EPHA3: variants seen among roughly 807,000 people sequenced by gnomAD.
EPHA3 encodes ephrin type-A receptor 3.
A neutral mutation model predicts 107.1 loss-of-function variants in EPHA3; 42 were observed. The ratio of observed to expected loss-of-function variants is 0.39; its 90% CI spans 0.31 to 0.51. The LOEUF (loss-of-function observed/expected upper bound fraction) is 0.51, where lower values mean the gene tolerates loss of function less well. Among genes scored for constraint, EPHA3 ranks in the 20% least tolerant of loss-of-function variants. EPHA3 has a pLI of 0.78. For missense variants in EPHA3, 1,183 were observed against 1,211.2 expected, an observed-to-expected ratio of 0.98 and a Z score of 0.35; for synonymous variants, 461 against 424.8, an observed-to-expected ratio of 1.09 and a Z score of -1.05.
At chr3:89,121,438 T>A (rs934169584) in intron 1 of EPHA3, among the ~76,000 whole-genome samples, 2 of 152,000 alleles carry the variant, frequency 1.3e-5, no homozygotes, top group Non-Finnish European at 2.9e-5. Flanking sequence ...AATTTTTATC[T>A]GTGAAATAAA....
chr3:89,220,450 T>C (rs1704345813), intron 3 of EPHA3, among the ~76,000 whole-genome samples: 1 of 152,154 alleles, frequency 6.6e-6, no homozygotes, highest in African/African-American at 2.4e-5. Context: ...AATAGTGACA[T>C]GAAGATGGAT....
chr3:89,380,875 T>A (rs1384665825), intron 5 of EPHA3, among the ~76,000 whole-genome samples: 1 of 151,906 alleles, frequency 6.6e-6, no homozygotes, highest in Admixed American at 6.6e-5. Flanking sequence ...TTCAAGCAAT[T>A]CGCCTGCCTC....
intron 2 of EPHA3, among the ~76,000 whole-genome samples, chr3:89,127,735 TA>T (rs746831482): frequency 9.1e-4 from 138 of 152,166 alleles, no homozygotes; most frequent in Non-Finnish European, 1.3e-3. Flanking sequence ...TGTCTTAATT[TA>T]CTTGTTTCAA....
chr3:89,289,188 A>T (rs1475644682), intron 3 of EPHA3, among the ~76,000 whole-genome samples: 2 of 152,288 alleles, frequency 1.3e-5, no homozygotes, highest in South Asian at 2.1e-4. Flanking sequence ...ACCATTGGTG[A>T]TAACTGAAAC....
chr3:89,358,673 T>C (rs1407864482), intron 5 of EPHA3, among the ~76,000 whole-genome samples: 1 of 151,194 alleles, frequency 6.6e-6, no homozygotes, highest in African/African-American at 2.4e-5. Flanking sequence ...AGATTGGTCT[T>C]GAATTCACAG....
intron 9 of EPHA3, among the ~76,000 whole-genome samples, chr3:89,409,821 A>G (rs976525198): frequency 2.0e-5 from 3 of 151,976 alleles, no homozygotes; most frequent in Non-Finnish European, 4.4e-5. Flanking sequence ...AATGTGTTTC[A>G]CCTCCTAAGA....
chr3:89,142,478 C>CA (rs537736990), intron 2 of EPHA3, among the ~76,000 whole-genome samples: 4 of 150,538 alleles, frequency 2.7e-5, no homozygotes, highest in African/African-American at 4.9e-5. Context: ...TTAAACATAC[C>CA]AAAAAAAATC....
intron 3 of EPHA3, among the ~76,000 whole-genome samples, chr3:89,264,578 A>G (rs1056824290): frequency 3.3e-5 from 5 of 152,118 alleles, no homozygotes; most frequent in Non-Finnish European, 5.9e-5. Context: ...GTTCATTCTT[A>G]TCTTTGCTTA....
At chr3:89,181,441 G>A (rs1705440349) in intron 2 of EPHA3, among the ~76,000 whole-genome samples, 1 of 151,776 alleles carries the variant, frequency 6.6e-6, no homozygotes, top group South Asian at 2.1e-4. Context: ...TATTTGAGAA[G>A]CCAGGCAGAC....
chr3:89,187,905 T>G (rs541353867), intron 2 of EPHA3, among the ~76,000 whole-genome samples: 1 of 152,162 alleles, frequency 6.6e-6, no homozygotes, highest in Non-Finnish European at 1.5e-5. Context: ...TAATTAACAC[T>G]AAAAATCTCT....
At chr3:89,340,219 A>G (rs1214833435) in intron 3 of EPHA3, among the ~76,000 whole-genome samples, 1 of 152,216 alleles carries the variant, frequency 6.6e-6, no homozygotes, top group East Asian at 1.9e-4. Flanking sequence ...TAAAAAGATA[A>G]CACAGTTATT....
At chr3:89,231,086 T>A (rs758054847) in intron 3 of EPHA3, among the ~76,000 whole-genome samples, 4 of 152,154 alleles carry the variant, frequency 2.6e-5, no homozygotes, top group Non-Finnish European at 2.9e-5. Flanking sequence ...ATTGAATTTA[T>A]GTAATGGGGG....
intron 3 of EPHA3, among the ~76,000 whole-genome samples, chr3:89,268,047 G>A (rs1277529881): frequency 6.6e-6 from 1 of 152,052 alleles, no homozygotes; most frequent in African/African-American, 2.4e-5. Flanking sequence ...AAAAGATAAC[G>A]TGCAGTTCCT....
intron 3 of EPHA3, among the ~76,000 whole-genome samples, chr3:89,225,307 G>A (rs796893416): frequency 1.3e-4 from 20 of 152,014 alleles, no homozygotes; most frequent in African/African-American, 4.6e-4. Context: ...ATGAATCCTC[G>A]GAAAATACTC....
chr3:89,217,944 A>G (rs528637999), intron 3 of EPHA3, among the ~76,000 whole-genome samples: 39 of 152,308 alleles, frequency 2.6e-4, no homozygotes, highest in African/African-American at 9.1e-4. Context: ...TCTGATAGTT[A>G]CTGGAGAGGA....
chr3:89,256,890 G>A (rs569461131), intron 3 of EPHA3, among the ~76,000 whole-genome samples: 2 of 152,256 alleles, frequency 1.3e-5, no homozygotes, highest in African/African-American at 4.8e-5. Context: ...ATACATATGA[G>A]CACATGTCCT....
chr3:89,167,925 T>C (rs911215794), intron 2 of EPHA3, among the ~76,000 whole-genome samples: 2 of 152,122 alleles, frequency 1.3e-5, no homozygotes, highest in Non-Finnish European at 2.9e-5. Context: ...TATACACATA[T>C]ATACACACAC....
At chr3:89,236,771 A>G (rs555387484) in intron 3 of EPHA3, among the ~76,000 whole-genome samples, 22 of 152,330 alleles carry the variant, frequency 1.4e-4, no homozygotes, top group African/African-American at 5.3e-4. Flanking sequence ...CATCTATAAT[A>G]GTAATTTTTT....
chr3:89,432,043 G>C (rs1456994681), intron 13 of EPHA3, among the ~76,000 whole-genome samples: 1 of 151,860 alleles, frequency 6.6e-6, no homozygotes, highest in Non-Finnish European at 1.5e-5. Context: ...ATTCTATATT[G>C]TTGTATCTTT....
Sources: allele counts gnomAD v4.1 joint callset (sites outside exome capture counted in the v4.1 genomes callset), GRCh38; gene constraint gnomAD v4.1.1; transcripts MANE v1.5; gene names NCBI Gene and HGNC (gene_info 2026-07-23, HGNC 2026-07-21).